Variants in RFX7 observed in about 807,000 individuals in gnomAD.
RFX7 encodes the protein regulatory factor X7.
A neutral mutation model predicts 111.8 loss-of-function variants in RFX7; 26 were observed. The observed-to-expected ratio is 0.23, with a 90% CI of 0.17 to 0.32. RFX7 has a LOEUF of 0.32. Ranked by LOEUF, RFX7 falls within the 10% of genes least tolerant of loss-of-function variation. The pLI is 1.00. For synonymous variants in RFX7, 624 were observed against 624.4 expected, an observed-to-expected ratio of 1.00 and a Z score of 0.01; for missense variants, 1,573 against 1,772.9, an observed-to-expected ratio of 0.89 and a Z score of 2.02.
chr15:56,130,998 A>G (rs915759170), intron 5 of RFX7, among the ~76,000 whole-genome samples: 16 of 152,110 alleles, frequency 1.1e-4, no homozygotes, highest in Non-Finnish European at 2.1e-4. Context: ...TCAAGAATAA[A>G]TAAGTCCCAT....
intron 2 of RFX7, among the ~76,000 whole-genome samples, chr15:56,215,261 A>G (rs531983000): frequency 6.6e-6 from 1 of 152,288 alleles, no homozygotes; most frequent in Admixed American, 6.5e-5. Flanking sequence ...TTATTGTATC[A>G]TTTTATATTT....
At chr15:56,116,199 G>A (rs1400329535) in intron 5 of RFX7, among the ~76,000 whole-genome samples, 3 of 151,956 alleles carry the variant, frequency 2.0e-5, no homozygotes, top group African/African-American at 7.2e-5. Flanking sequence ...TTGTATACAT[G>A]AAAACAAAAA....
At chr15:56,115,959 A>T (rs1429720303) in intron 5 of RFX7, among the ~76,000 whole-genome samples, 1 of 149,502 alleles carries the variant, frequency 6.7e-6, no homozygotes, top group Non-Finnish European at 1.5e-5. Context: ...AAAAAAAAAA[A>T]TTTAACTGCA....
chr15:56,132,225 G>A (rs1267868476), intron 5 of RFX7, among the ~76,000 whole-genome samples: 3 of 151,820 alleles, frequency 2.0e-5, no homozygotes, highest in Non-Finnish European at 4.4e-5. Context: ...AAACTGATTC[G>A]CAACTTCCTA....
Position 56,243,183 on chromosome 15 carries a change from G to C in RFX7, c.103C>G (p.Pro35Ala). The C allele has an allele frequency of 1.5e-6, 2 of 1,354,140 alleles. No homozygotes were observed. Among genetic ancestry groups the C allele is most frequent in the Non-Finnish European group, 2.0e-6 (2 of 1,016,060 alleles). The allele number at this position is 1,354,140 out of a possible 1,614,324, so 83.9% of individuals were successfully genotyped here. Reference protein sequence around the residue: ...NSGVALPALVPGLPGTEASAL... With the variant: ...NSGVALPALVAGLPGTEASAL... ...CTGGCCTCTGTCCCTGGCAGCCCGGGCACAAGGGCTGGCAGGGCCACCCCC... is the reference window on the plus strand; with the variant it reads ...CTGGCCTCTGTCCCTGGCAGCCCGGCCACAAGGGCTGGCAGGGCCACCCCC... Residue 35 changes from proline (P) to alanine (A), a missense_variant, in exon 2 of 10, where the codon CCC (proline) becomes GCC (alanine). Pro to Ala is a conservative substitution (Grantham distance 27). This residue lies in a region of RFX7 where 191 missense variants were observed against 194.2 expected (regional missense o/e 0.98). Coordinates refer to ENST00000559447, the MANE Select transcript of RFX7 (RefSeq NM_022841.7).
chr15:56,144,626 A>G, intron 3 of RFX7, 143 bp from the exon 4 acceptor site: 1 of 301,688 alleles, frequency 3.3e-6, no homozygotes, highest in Non-Finnish European at 6.8e-6. Context: ...CATCACTAAA[A>G]TAATACAATG....
chr15:56,231,868 T>A (rs922900942), intron 2 of RFX7, among the ~76,000 whole-genome samples: 2 of 152,160 alleles, frequency 1.3e-5, no homozygotes, highest in African/African-American at 4.8e-5. Context: ...GGAGAAATTG[T>A]TCAAACGAAG....
chr15:56,228,681 G>A (rs957207827), intron 2 of RFX7, among the ~76,000 whole-genome samples: 1 of 152,134 alleles, frequency 6.6e-6, no homozygotes, highest in African/African-American at 2.4e-5. Context: ...AAATGAGGCT[G>A]TAGGATTATA....
rs2043131557 is a variant in RFX7, at chr15:56,194,733, A to AT, written c.162-15431dup. 2.6e-5 allele frequency among the ~76,000 whole-genome samples: 4 copies of AT among 152,160 alleles called. No homozygotes were observed. In the South Asian group the frequency reaches 8.3e-4, roughly 31 times the overall value. ...GGAATCACACCATGAAGACATTTAAATTCACTTACTTTGTCTTCTTAAAAA... is the reference window on the plus strand; with the variant it reads ...GGAATCACACCATGAAGACATTTAAATTTCACTTACTTTGTCTTCTTAAAAA... On this transcript the variant is annotated intron_variant, in intron 2 of 9. Coordinates refer to ENST00000559447, the MANE Select transcript of RFX7 (RefSeq NM_022841.7).
chr15:56,136,887 G>A (rs1160911303), intron 5 of RFX7, among the ~76,000 whole-genome samples: 6 of 145,934 alleles, frequency 4.1e-5, no homozygotes, highest in Non-Finnish European at 6.1e-5. Flanking sequence ...TGTGGTTTTT[G>A]TCTTTGGCTC....
At position 56,087,527 on chromosome 15, in the gene RFX7, C is replaced by T; in HGVS notation, c.*5818G>A. On this transcript the variant is annotated 3_prime_UTR_variant, in exon 10 of 10. Coordinates refer to ENST00000559447, the MANE Select transcript of RFX7 (RefSeq NM_022841.7). The stretch of plus-strand genomic sequence containing the variant: ...CAAGAACACTGCAAAGAAGTAGCAC[C>T]CAAACCTTTTGGTTACATCTCTTTG... 1 of 456,678 alleles carries T rather than the reference C, an allele frequency of 2.2e-6. No individual in the cohort carries two copies. The highest frequency in any genetic ancestry group is 4.4e-6 in the Non-Finnish European group (1 of 226,956). The allele number at this position is 456,678 out of a possible 1,614,324, so 28.3% of individuals were successfully genotyped here.
Position 56,093,126 on chromosome 15 carries a change from T to G in RFX7, c.*219A>C, listed in dbSNP as rs2041618279. 2 of 473,346 alleles carry G rather than the reference T, an allele frequency of 4.2e-6. No homozygotes were observed. The highest frequency in any genetic ancestry group is 7.4e-6 in the Non-Finnish European group (2 of 269,220). 29.3% of individuals were successfully genotyped at this position (473,346 alleles called of 1,614,324 possible). A position where few individuals can be genotyped will look rare whatever the true frequency, so the allele number is the denominator to read the frequency against. ...GAATAAATGGGGCACATTATAAAAT[T>G]TAAAACCTAATACTTGTTCTTCTAC... is the stretch of plus-strand genomic sequence containing the variant. On this transcript the variant is annotated 3_prime_UTR_variant, in exon 10 of 10. Coordinates refer to ENST00000559447, the MANE Select transcript of RFX7 (RefSeq NM_022841.7).
At chr15:56,164,085 T>G (rs185184120) in intron 3 of RFX7, among the ~76,000 whole-genome samples, 28 of 152,336 alleles carry the variant, frequency 1.8e-4, no homozygotes, top group Non-Finnish European at 3.4e-4. Context: ...AACCACTACT[T>G]AGGTTCAACT....
chr15:56,182,570 G>C (rs2141141072), intron 2 of RFX7, among the ~76,000 whole-genome samples: 1 of 152,224 alleles, frequency 6.6e-6, no homozygotes, highest in Middle Eastern at 3.4e-3. Context: ...ACTGTTCTGT[G>C]AAGCTTTTAA....
At chr15:56,138,397 G>A (rs2042337463) in intron 5 of RFX7, among the ~76,000 whole-genome samples, 1 of 150,598 alleles carries the variant, frequency 6.6e-6, no homozygotes, top group Admixed American at 6.6e-5. Context: ...TTTGATCTTT[G>A]TTGGTTTAAA....
At chr15:56,187,718 C>T (rs1439599751) in intron 2 of RFX7, among the ~76,000 whole-genome samples, 2 of 152,134 alleles carry the variant, frequency 1.3e-5, no homozygotes, top group African/African-American at 2.4e-5. Flanking sequence ...CAAGGTTCTT[C>T]ACAAAAAGAA....
chr15:56,158,380 A>T (rs1264236781), intron 3 of RFX7, among the ~76,000 whole-genome samples: 2 of 152,244 alleles, frequency 1.3e-5, no homozygotes, highest in African/African-American at 4.8e-5. Flanking sequence ...TTATTATTTT[A>T]AAAATATGTT....
rs566899732 is a variant in RFX7, at chr15:56,205,254, G to C, written c.162-25951C>G. Among the ~76,000 whole-genome samples the C allele has an allele frequency of 2.0e-4, 30 of 152,312 alleles. No homozygotes were observed. In the South Asian group the frequency reaches 5.8e-3, roughly 29 times the overall value. On this transcript the variant is annotated intron_variant, in intron 2 of 9. Transcript: ENST00000559447. ...TAATTGCCAGTAGCAGGAAACTCAA[G>C]TTTTGCCAATTCCAGTGGGTAGGAA...
chr15:56,148,942 G>C (rs1185969773), intron 3 of RFX7, among the ~76,000 whole-genome samples: 1 of 152,130 alleles, frequency 6.6e-6, no homozygotes, highest in Non-Finnish European at 1.5e-5. Context: ...AATTAGCCAG[G>C]CGTGGTGGTG....
Sources: gnomAD v4.1 joint callset for allele counts (sites outside exome capture counted in the v4.1 genomes callset) on GRCh38, gnomAD v4.1.1 for gene constraint, gnomAD v4.1.1 regional missense constraint, MANE v1.5 for transcripts, NCBI Gene and HGNC (gene_info 2026-07-23, HGNC 2026-07-21) for gene names.